Variants in ASB4 observed in about 807,000 individuals in gnomAD.
ASB4 encodes ankyrin repeat and SOCS box protein 4.
In ASB4, 35 loss-of-function variants were observed where a neutral mutation model predicts 38.6. The observed-to-expected ratio is 0.91, with a 90% confidence interval of 0.69 to 1.20. The LOEUF is 1.20. ASB4 is among the 50% of genes most tolerant of loss of function. The pLI, the probability that ASB4 is intolerant of heterozygous loss-of-function variation, is 0.00. For synonymous variants in ASB4, 195 were observed against 201.3 expected (o/e 0.97, Z 0.26); for missense variants, 557 against 527.2 (o/e 1.06, Z -0.55).
chr7:95,510,565 T>G (rs958683239), intron 2 of ASB4, among the ~76,000 whole-genome samples: 1 of 152,198 alleles, frequency 6.6e-6, no homozygotes, highest in Non-Finnish European at 1.5e-5. Context: ...GCATTTTTCT[T>G]TTTTTCTCCA....
chr7:95,511,517 CTTAATAA>C (rs1196803204), intron 2 of ASB4, among the ~76,000 whole-genome samples: 1 of 152,032 alleles, frequency 6.6e-6, no homozygotes, highest in East Asian at 1.9e-4. Flanking sequence ...TCGGCTTGGA[CTTAATAA>C]TTAATAATAA....
At chr7:95,515,888 C>T (rs1340483972) in intron 2 of ASB4, among the ~76,000 whole-genome samples, 2 of 152,202 alleles carry the variant, frequency 1.3e-5, no homozygotes, top group Non-Finnish European at 2.9e-5. Context: ...TGTTGCTTGA[C>T]AAATTCCTTC....
At chr7:95,504,947 C>T (rs190166421) in intron 2 of ASB4, among the ~76,000 whole-genome samples, 13 of 152,266 alleles carry the variant, frequency 8.5e-5, no homozygotes, top group East Asian at 5.8e-4. Flanking sequence ...GCATGTTCCA[C>T]GAAAAATCAT....
chr7:95,485,925 C>T (rs773060502), upstream of ASB4: 14 of 1,571,404 alleles, frequency 8.9e-6, no homozygotes, highest in Non-Finnish European at 8.7e-7. Flanking sequence ...TTGCTCGGTG[C>T]TGTTCTCTCG....
chr7:95,491,415 C>A lies in ASB4; in HGVS notation c.188-4343C>A, dbSNP rs553644001. Among the ~76,000 whole-genome samples the A allele has an allele frequency of 3.9e-5, 6 of 152,246 alleles. No individual in the cohort carries two copies. The South Asian group carries it at 1.2e-3, about 32-fold the overall frequency. On this transcript the variant is annotated intron_variant, in intron 1 of 4. Coordinates refer to ENST00000325885, the MANE Select transcript of ASB4 (RefSeq NM_016116.3). ...CCTAGCTCCCATGGGCTTGGTTCCC[C>A]GGTTCTCCCTCACCTCTGTCCTTTG...
intron 1 of ASB4, 121 bp downstream of exon 1, chr7:95,486,279 A>G (rs1486932349): frequency 1.1e-5 from 8 of 728,958 alleles, no homozygotes; most frequent in African/African-American, 1.8e-5. Context: ...TTTAAAAAAT[A>G]TTTCTAAATT....
intron 2 of ASB4, among the ~76,000 whole-genome samples, chr7:95,507,153 T>TG (rs1417626501): frequency 3.3e-5 from 5 of 152,068 alleles, no homozygotes; most frequent in Non-Finnish European, 1.5e-5. Flanking sequence ...TTTGTTTGTT[T>TG]TTTTGCTGCA....
At chr7:95,477,465 T>C (rs1335775367), upstream of ASB4, among the ~76,000 whole-genome samples, 1 of 152,176 alleles carries the variant, frequency 6.6e-6, no homozygotes, top group African/African-American at 2.4e-5. Flanking sequence ...TTATCTACTG[T>C]AAAAAGAGTG....
At chr7:95,490,015 A>G (rs774971843) in intron 1 of ASB4, among the ~76,000 whole-genome samples, 2 of 152,336 alleles carry the variant, frequency 1.3e-5, no homozygotes, top group East Asian at 1.9e-4. Context: ...TCTCTTTGGT[A>G]TGAAATTCCC....
chr7:95,486,238 C>T lies in ASB4; in HGVS notation c.187+80C>T. Reference sequence around the variant, plus strand: ...CACAGTGTCAGTTATCCACTCTAAACAGTAGTTTTTATTGTTTCTTTAAGT... The same window carrying T: ...CACAGTGTCAGTTATCCACTCTAAATAGTAGTTTTTATTGTTTCTTTAAGT... On this transcript the variant is annotated intron_variant, in intron 1 of 4. Coordinates refer to ENST00000325885, the MANE Select transcript of ASB4 (RefSeq NM_016116.3). 2.8e-6 allele frequency: 3 copies of T among 1,089,672 alleles called. No individual in the cohort carries two copies. In the East Asian group the frequency reaches 7.3e-5, roughly 27 times the overall value. 67.5% of individuals were successfully genotyped at this position (1,089,672 alleles called of 1,614,324 possible). A position where few individuals can be genotyped will look rare whatever the true frequency, so the allele number is the denominator to read the frequency against.
At chr7:95,491,448 T>C (rs1179946751) in intron 1 of ASB4, among the ~76,000 whole-genome samples, 1 of 152,170 alleles carries the variant, frequency 6.6e-6, no homozygotes, top group Admixed American at 6.5e-5. Flanking sequence ...TTGTGAAGTC[T>C]AAACACATAG....
rs1355140500 is a variant in ASB4, at chr7:95,538,433, C to T, written c.*674C>T. ...TGCAAAGATGAGTCCCATGTGACTC[C>T]TGCCTTCCAGGATCTCACCATTTAG... is the stretch of plus-strand genomic sequence containing the variant. On this transcript the variant is annotated 3_prime_UTR_variant, in exon 5 of 5. Transcript: ENST00000325885. The T allele has an allele frequency of 6.6e-6, 1 of 152,226 alleles. No individual in the cohort carries two copies. Among genetic ancestry groups the T allele is most frequent in the African/African-American group, 2.4e-5 (1 of 41,442 alleles). The allele number at this position is 152,226 out of a possible 1,614,324, so 9.4% of individuals were successfully genotyped here.
rs781758005 is a variant in ASB4, at chr7:95,485,988, C to A, written c.17C>A (p.Ala6Asp). MDGTT[A>D]PVTKSGAAKL... ...AGAGGAAGGATGGACGGCACCACTG[C>A]CCCTGTCACTAAATCTGGAGCTGCC... Residue 6 changes from alanine (A) to aspartate (D), a missense_variant, in exon 1 of 5, where the codon GCC (alanine) becomes GAC (aspartate). Physicochemically the swap from Ala to Asp is moderately radical, Grantham distance 126. Coordinates refer to ENST00000325885, the MANE Select transcript of ASB4 (RefSeq NM_016116.3). 3 of 1,613,862 alleles carry A rather than the reference C, an allele frequency of 1.9e-6. No individual in the cohort carries two copies. In the Admixed American group the frequency reaches 5.0e-5, roughly 27 times the overall value.
chr7:95,489,947 C>G (rs912136648), intron 1 of ASB4, among the ~76,000 whole-genome samples: 1 of 152,218 alleles, frequency 6.6e-6, no homozygotes, highest in Non-Finnish European at 1.5e-5. Flanking sequence ...CCAACTTGAT[C>G]TTCCTTCAGA....
intron 3 of ASB4, among the ~76,000 whole-genome samples, chr7:95,530,105 C>T (rs374337159): frequency 1.0e-5 from 1 of 99,700 alleles, no homozygotes; most frequent in Non-Finnish European, 2.0e-5. Context: ...AAAAGCAGGG[C>T]AAAAAAAAAA....
In ASB4 at chr7:95,538,786, A is replaced by G. The variant is rs1790931240; in HGVS notation, c.*1027A>G. 6.6e-6 allele frequency: 1 copy of G among 152,204 alleles called. No homozygotes were observed. Among genetic ancestry groups the G allele is most frequent in the Non-Finnish European group, 1.5e-5 (1 of 68,038 alleles). The allele number at this position is 152,204 out of a possible 1,614,324, so 9.4% of individuals were successfully genotyped here. A position where few individuals can be genotyped will look rare whatever the true frequency, so the allele number is the denominator to read the frequency against. Reference sequence around the variant, plus strand: ...GCATGTGACAAGGAAGCATAGGAAAATGGGGGAAAGAAAGTGTGTGAGGGG... The same window carrying G: ...GCATGTGACAAGGAAGCATAGGAAAGTGGGGGAAAGAAAGTGTGTGAGGGG... On this transcript the variant is annotated 3_prime_UTR_variant, in exon 5 of 5. Coordinates refer to ENST00000325885, the MANE Select transcript of ASB4 (RefSeq NM_016116.3).
intron 2 of ASB4, among the ~76,000 whole-genome samples, chr7:95,506,066 A>G (rs1193251845): frequency 6.6e-6 from 1 of 151,756 alleles, no homozygotes; most frequent in Non-Finnish European, 1.5e-5. Flanking sequence ...CTAATTTTTA[A>G]AAAATTATTT....
chr7:95,535,523 G>A (rs1284316427), intron 3 of ASB4, among the ~76,000 whole-genome samples: 1 of 152,164 alleles, frequency 6.6e-6, no homozygotes, highest in African/African-American at 2.4e-5. Context: ...CTTGTTGGGT[G>A]GCAATGGAAA....
chr7:95,528,255 C>T lies in ASB4; in HGVS notation c.930C>T (p.Leu310=). 1 of 1,614,160 alleles carries T rather than the reference C, an allele frequency of 6.2e-7. No homozygotes were observed. The highest frequency in any genetic ancestry group is 8.5e-7 in the Non-Finnish European group (1 of 1,180,026). The change falls in exon 3 of 5, where the codon CTC becomes CTT. Residue 310 remains leucine (L), a synonymous_variant. Coordinates refer to ENST00000325885, the MANE Select transcript of ASB4 (RefSeq NM_016116.3). ...PAAQPEICYQ[L]LLNHGAARIY... is the part of the protein sequence containing the mutation. Reference sequence around the variant, plus strand: ...CCCAGCCTGAGATCTGCTACCAGCTCCTGTTGAACCATGGGGCTGCCCGAA... The same window carrying T: ...CCCAGCCTGAGATCTGCTACCAGCTTCTGTTGAACCATGGGGCTGCCCGAA...
Sources: allele counts gnomAD v4.1 joint callset (sites outside exome capture counted in the v4.1 genomes callset), GRCh38; gene constraint gnomAD v4.1.1; transcripts MANE v1.5; gene names NCBI Gene and HGNC (gene_info 2026-07-23, HGNC 2026-07-21).